Variants in MTMR11 observed in about 807,000 individuals in gnomAD.
MTMR11 encodes the protein myotubularin related protein 11.
A neutral mutation model predicts 100.0 loss-of-function variants in MTMR11; 89 were observed. The observed-to-expected ratio is 0.89, with a 90% confidence interval of 0.75 to 1.06. The LOEUF (loss-of-function observed/expected upper bound fraction) is 1.06. MTMR11 is among the 50% of genes least tolerant of loss of function. The pLI is 0.00. For missense variants in MTMR11, 809 were observed against 873.7 expected (o/e 0.93, Z 0.93); for synonymous variants, 336 against 326.3 (o/e 1.03, Z -0.32).
chr1:149,928,871 C>T lies in MTMR11; in HGVS notation c.*258G>A. The T allele has an allele frequency of 1.2e-6, 2 of 1,613,536 alleles. No homozygotes were observed. Among genetic ancestry groups the T allele is most frequent in the Non-Finnish European group, 1.7e-6 (2 of 1,179,530 alleles). The stretch of plus-strand genomic sequence containing the variant: ...CAGCATCTCTGATCTCATGATTTAA[C>T]ATCTGGTTATCCAGAAGGGATGGGA... On this transcript the variant is annotated 3_prime_UTR_variant, in exon 17 of 17. Transcript: ENST00000439741.
At chr1:149,930,100 A>C in intron 15 of MTMR11, 184 bp from the exon 16 acceptor site, 3 of 745,092 alleles carry the variant, frequency 4.0e-6, no homozygotes, top group Non-Finnish European at 6.5e-6. Flanking sequence ...GGGACTGATT[A>C]AGGTTGATTT....
chr1:149,930,829 C>T lies in MTMR11; in HGVS notation c.1427G>A (p.Arg476Lys), dbSNP rs782423188. The part of the protein sequence containing the change: ...VRVPDTLTFL[R>K]NTPWERGKQS... ...CTTTCCGCGCTCCCAGGGGGTATTTCTCAGGAAGGTAAGGGTGTCAGGAAC... is the reference window on the plus strand; with the variant it reads ...CTTTCCGCGCTCCCAGGGGGTATTTTTCAGGAAGGTAAGGGTGTCAGGAAC... The change falls in exon 14 of 17, where the codon AGA becomes AAA. Residue 476 changes from arginine to lysine, a missense_variant. Transcript: ENST00000439741. 4.4e-6 allele frequency: 7 copies of T among 1,597,550 alleles called. No homozygotes were observed. The highest frequency in any genetic ancestry group is 6.0e-6 in the Non-Finnish European group (7 of 1,174,688).
At position 149,935,604 on chromosome 1, in the gene MTMR11, A is replaced by G; in HGVS notation, c.244T>C (p.Cys82Arg). The G allele has an allele frequency of 6.2e-7, 1 of 1,614,014 alleles. No homozygotes were observed. The highest frequency in any genetic ancestry group is 2.2e-5 in the East Asian group (1 of 44,872). The change falls in exon 3 of 17, where the codon TGT (cysteine) becomes CGT (arginine). Residue 82 changes from cysteine to arginine, a missense_variant. Coordinates refer to ENST00000439741, the MANE Select transcript of MTMR11 (RefSeq NM_001145862.2). ...CTNFRVTFQP[C>R]GWQWNQDTPL... ...CTCACCTGATTCCACTGCCATCCACAGGGCTGGAAGGTGACCCTAAAGTTG... is the reference window on the plus strand; with the variant it reads ...CTCACCTGATTCCACTGCCATCCACGGGGCTGGAAGGTGACCCTAAAGTTG...
chr1:149,935,410 T>G, intron 3 of MTMR11, 51 bp from the exon 4 acceptor site: 5 of 1,604,368 alleles, frequency 3.1e-6, no homozygotes, highest in Non-Finnish European at 4.3e-6. Flanking sequence ...CTCATTTTCC[T>G]ACCCTGGCAG....
chr1:149,929,177 A>G lies in MTMR11; in HGVS notation c.2082T>C (p.Thr694=). The G allele has an allele frequency of 1.9e-6, 3 of 1,613,512 alleles. No individual in the cohort carries two copies. The highest frequency in any genetic ancestry group is 2.5e-6 in the Non-Finnish European group (3 of 1,179,936). Residue 694 remains threonine (T), a synonymous_variant, in exon 17 of 17, where the codon ACT becomes ACC. Coordinates refer to ENST00000439741, the MANE Select transcript of MTMR11 (RefSeq NM_001145862.2). Reference sequence around the variant, plus strand: ...TGCCTTTGAGAATGCCAGCAATTTCAGTGGGATTGAGAATGGTATGTGGAT... The same window carrying G: ...TGCCTTTGAGAATGCCAGCAATTTCGGTGGGATTGAGAATGGTATGTGGAT... ...KRDPHTILNP[T]EIAGILKGRA... is the part of the protein sequence containing the mutation.
Position 149,930,567 on chromosome 1 carries a change from A to G in MTMR11, c.1465-20T>C, listed in dbSNP as rs2092645112. On this transcript the variant is annotated intron_variant, in intron 14 of 16. Coordinates refer to ENST00000439741, the MANE Select transcript of MTMR11 (RefSeq NM_001145862.2). ...GTTTAACTGGACAGAGGAAGCAAGA[A>G]AAAGGATGGTTACACACAATCCTCC... The G allele has an allele frequency of 6.3e-7, 1 of 1,592,030 alleles. No individual in the cohort carries two copies. The highest frequency in any genetic ancestry group is 1.3e-5 in the African/African-American group (1 of 74,330).
Position 149,936,278 on chromosome 1 carries a change from C to G in MTMR11, c.67-49G>C, listed in dbSNP as rs187439715. On this transcript the variant is annotated intron_variant, in intron 1 of 16. Coordinates refer to ENST00000439741, the MANE Select transcript of MTMR11 (RefSeq NM_001145862.2). ...GGTCTAGAGTTAACCCCTAGGCTCC[C>G]CAACTCCCCAGAGGCAGCTGCCTGT... is the stretch of plus-strand genomic sequence containing the variant. 1.2e-4 allele frequency: 188 copies of G among 1,610,702 alleles called. No individual in the cohort carries two copies. The East Asian group carries it at 3.9e-3, about 34-fold the overall frequency.
rs1553766708 is a variant in MTMR11 at position 149,929,063 on chromosome 1, G to A, written c.*66C>T. On this transcript the variant is annotated 3_prime_UTR_variant, in exon 17 of 17. Transcript: ENST00000439741. ...CTTCTTAGTGAACTTAAGGGCTGAA[G>A]TGTGAAAGCTGAGGCTGCAAGTGCA... is the stretch of plus-strand genomic sequence containing the variant. 3 of 1,573,810 alleles carry A rather than the reference G, an allele frequency of 1.9e-6. No homozygotes were observed. The highest frequency in any genetic ancestry group is 1.9e-5 in the Admixed American group (1 of 53,018).
chr1:149,934,933 A>G lies in MTMR11; in HGVS notation c.468+53T>C, dbSNP rs2092703989. ...AGGAGTCTCAGAAATTGTCAGGGAGAGGATCCCAAGGTTCTGAGGTGAGGA... is the reference window on the plus strand; with the variant it reads ...AGGAGTCTCAGAAATTGTCAGGGAGGGGATCCCAAGGTTCTGAGGTGAGGA... On this transcript the variant is annotated intron_variant, in intron 5 of 16. Coordinates refer to ENST00000439741, the MANE Select transcript of MTMR11 (RefSeq NM_001145862.2). 3.2e-6 allele frequency: 5 copies of G among 1,581,570 alleles called. No individual in the cohort carries two copies. The South Asian group carries it at 5.8e-5, about 18-fold the overall frequency.
chr1:149,935,196 C>T (rs967377842), intron 4 of MTMR11, 68 bp from the exon 5 acceptor site: 65 of 1,605,962 alleles, frequency 4.0e-5, no homozygotes, highest in Non-Finnish European at 5.4e-5. Context: ...CTCTTGCAGC[C>T]CATCCCACTC....
rs781990993 is a variant in MTMR11 at position 149,933,617 on chromosome 1, C to T, written c.853G>A (p.Asp285Asn). 2 of 1,614,182 alleles carry T rather than the reference C, an allele frequency of 1.2e-6. No individual in the cohort carries two copies. Among genetic ancestry groups the T allele is most frequent in the Non-Finnish European group, 1.7e-6 (2 of 1,180,020 alleles). Residue 285 changes from aspartate (D) to asparagine (N), a missense_variant, in exon 9 of 17, where the codon GAT becomes AAT. Coordinates refer to ENST00000439741, the MANE Select transcript of MTMR11 (RefSeq NM_001145862.2). ...TCATCAAGCCTCCCTCACCTGATAT[C>T]CTCCTTGTTAGGGTCACTGGCTGTA... is the stretch of plus-strand genomic sequence containing the variant. ...FYTASDPNKEDIRAVELMLQA... is the reference protein window; with the variant it reads ...FYTASDPNKENIRAVELMLQA...
chr1:149,934,788 AATT>A (rs1182655720), intron 5 of MTMR11, among the ~76,000 whole-genome samples, 195 bp downstream of exon 5: 1 of 152,208 alleles, frequency 6.6e-6, no homozygotes, highest in African/African-American at 2.4e-5. Context: ...CACTGCTGGT[AATT>A]AATAGAGTAA....
Position 149,936,211 on chromosome 1 carries a change from T to A in MTMR11, c.85A>T (p.Met29Leu), listed in dbSNP as rs370611863. Residue 29 changes from methionine (M) to leucine (L), a missense_variant, in exon 2 of 17, where the codon ATG becomes TTG. Met to Leu is a conservative substitution (Grantham distance 15, BLOSUM62 2). Coordinates refer to ENST00000439741, the MANE Select transcript of MTMR11 (RefSeq NM_001145862.2). ...GGCTGACGACTCCTGGGCTCCGGCATCCTATTTTCCTGGACAGACTTTGGT... is the reference window on the plus strand; with the variant it reads ...GGCTGACGACTCCTGGGCTCCGGCAACCTATTTTCCTGGACAGACTTTGGT... The part of the protein sequence containing the change: ...PEMGSVQENR[M>L]PEPRSRQPSS... 8 of 1,613,892 alleles carry A rather than the reference T, an allele frequency of 5.0e-6. No homozygotes were observed. The highest frequency in any genetic ancestry group is 6.8e-6 in the Non-Finnish European group (8 of 1,180,020).
rs781099087 is a variant in MTMR11, at chr1:149,929,796, G to A, written c.1768C>T (p.Arg590Cys). The part of the protein sequence containing the change: ...DSPSLLAVSS[R>C]WLPRPAISSE... ...GAGATAGCAGGTCGAGGGAGCCAAC[G>A]AGAAGAGACTGCCAGCAGGGAAGGA... The change falls in exon 16 of 17, where the codon CGT becomes TGT. Residue 590 changes from arginine to cysteine, a missense_variant. By Grantham distance (180) the Arg-to-Cys change is radical (BLOSUM62 -3). Coordinates refer to ENST00000439741, the MANE Select transcript of MTMR11 (RefSeq NM_001145862.2). 40 of 1,614,200 alleles carry A rather than the reference G, an allele frequency of 2.5e-5. No homozygotes were observed. In the South Asian group the frequency reaches 2.5e-4, roughly 10 times the overall value.
intron 16 of MTMR11, 114 bp downstream of exon 16, chr1:149,929,509 A>C: frequency 7.4e-7 from 1 of 1,343,678 alleles, no homozygotes. Flanking sequence ...GAGGAGTAGA[A>C]CTTCACTTCC....
At chr1:149,931,071 A>T (rs1379353598) in intron 13 of MTMR11, 106 bp from the exon 14 acceptor site, 1 of 1,360,158 alleles carries the variant, frequency 7.4e-7, no homozygotes, top group Non-Finnish European at 9.9e-7. Flanking sequence ...AACTTATGGA[A>T]GTCAGGGAAT....
chr1:149,932,875 T>C (rs1443525843), intron 10 of MTMR11, among the ~76,000 whole-genome samples: 1 of 150,102 alleles, frequency 6.7e-6, no homozygotes, highest in Non-Finnish European at 1.5e-5. Context: ...CGCTTGAACA[T>C]GGGAGTTGGA....
chr1:149,931,423 C>T lies in MTMR11; in HGVS notation c.1127G>A (p.Arg376His), dbSNP rs782790149. Residue 376 changes from arginine (R) to histidine (H), a missense_variant, in exon 13 of 17, where the codon CGC becomes CAC. Coordinates refer to ENST00000439741, the MANE Select transcript of MTMR11 (RefSeq NM_001145862.2). ...SRVRSVILQERGDRDLNGLLS... is the reference protein window; with the variant it reads ...SRVRSVILQEHGDRDLNGLLS... ...GAGGCCATTGAGATCACGATCACCGCGCTCTGGGTGATAAAGAGGAAGAAG... is the reference window on the plus strand; with the variant it reads ...GAGGCCATTGAGATCACGATCACCGTGCTCTGGGTGATAAAGAGGAAGAAG... 1.1e-5 allele frequency: 18 copies of T among 1,590,034 alleles called. No homozygotes were observed. Among genetic ancestry groups the T allele is most frequent in the African/African-American group, 8.1e-5 (6 of 73,844 alleles).
chr1:149,934,878 G>A (rs1415471833), intron 5 of MTMR11, 108 bp downstream of exon 5: 10 of 1,338,152 alleles, frequency 7.5e-6, no homozygotes, highest in Admixed American at 2.4e-5. Context: ...AGAGAAGCAG[G>A]GGGAATGATG....
Sources: allele counts gnomAD v4.1 joint callset (sites outside exome capture counted in the v4.1 genomes callset), GRCh38; gene constraint gnomAD v4.1.1; transcripts MANE v1.5; gene names NCBI Gene and HGNC (gene_info 2026-07-23, HGNC 2026-07-21).